ABHD12: variants seen among roughly 807,000 people sequenced by gnomAD.
ABHD12 encodes lysophosphatidylserine lipase ABHD12.
ABHD12 carries 43 observed loss-of-function variants against 58.3 expected under a neutral mutation model. The ratio of observed to expected loss-of-function variants is 0.74; its 90% CI spans 0.58 to 0.95. ABHD12 has a LOEUF of 0.95. Ranked by LOEUF, ABHD12 falls within the 40% of genes least tolerant of loss-of-function variation. The probability of loss-of-function intolerance (pLI) is 0.00; values close to 1 mark genes in which losing one functional copy is unlikely to be tolerated. For synonymous variants in ABHD12, 219 were observed against 211.2 expected (o/e 1.04, Z -0.32); for missense variants, 539 against 537.2 (o/e 1.00, Z -0.03).
chr20:25,317,139 C>A (rs2088978193), intron 4 of ABHD12, 61 bp from the exon 5 acceptor site: 2 of 1,284,796 alleles, frequency 1.6e-6, no homozygotes, highest in Non-Finnish European at 2.3e-6. Flanking sequence ...CCCAGGTCAA[C>A]TTGTCCTCCA....
At chr20:25,373,201 A>G (rs1185947890) in intron 1 of ABHD12, among the ~76,000 whole-genome samples, 1 of 152,164 alleles carries the variant, frequency 6.6e-6, no homozygotes, top group Non-Finnish European at 1.5e-5. Context: ...CCTGTTATTG[A>G]GTGACATTAC....
At chr20:25,319,233 C>G (rs1243630909) in intron 4 of ABHD12, among the ~76,000 whole-genome samples, 1 of 152,226 alleles carries the variant, frequency 6.6e-6, no homozygotes, top group Admixed American at 6.5e-5. Flanking sequence ...CACAGAGGCT[C>G]TTCTGAACAG....
chr20:25,353,516 C>T (rs1051439147), intron 1 of ABHD12, among the ~76,000 whole-genome samples: 1 of 152,266 alleles, frequency 6.6e-6, no homozygotes, highest in Non-Finnish European at 1.5e-5. Context: ...GGAGGGCACA[C>T]AGATAAAGGC....
chr20:25,367,660 C>T (rs2089841597), intron 1 of ABHD12, among the ~76,000 whole-genome samples: 1 of 152,252 alleles, frequency 6.6e-6, no homozygotes, highest in South Asian at 2.1e-4. Context: ...TAAGTGGAAT[C>T]ATACAGTACT....
chr20:25,294,813 G>C, exon 13 of ABHD12: 3 of 764,208 alleles, frequency 3.9e-6, no homozygotes, highest in Non-Finnish European at 7.0e-6. Flanking sequence ...TAGAGTTACA[G>C]ACTTTGTAAG....
intron 1 of ABHD12, 106 bp downstream of exon 1, chr20:25,390,407 G>T (rs1384569788): frequency 2.7e-6 from 3 of 1,126,158 alleles, no homozygotes; most frequent in African/African-American, 3.3e-5. Context: ...TCGGGCGGAC[G>T]GCCACTCTGG....
At chr20:25,342,586 G>C (rs190560373) in intron 1 of ABHD12, among the ~76,000 whole-genome samples, 8 of 151,912 alleles carry the variant, frequency 5.3e-5, no homozygotes, top group Admixed American at 3.3e-4. Context: ...TTTTTTACCG[G>C]TAAAGTTTTT....
At chr20:25,308,411 A>G in intron 8 of ABHD12, 46 bp downstream of exon 8, 1 of 1,600,814 alleles carries the variant, frequency 6.2e-7, no homozygotes, top group Non-Finnish European at 8.5e-7. Context: ...ACTGGGGAGC[A>G]CCCTGAATGC....
intron 6 of ABHD12, among the ~76,000 whole-genome samples, chr20:25,311,704 T>C (rs1356435327): frequency 6.6e-6 from 1 of 152,150 alleles, no homozygotes; most frequent in East Asian, 1.9e-4. Flanking sequence ...CATGGTGGAA[T>C]ACACTTTTTG....
At chr20:25,303,664 GA>G in intron 10 of ABHD12, 36 bp from the exon 11 acceptor site, 1 of 1,612,078 alleles carries the variant, frequency 6.2e-7, no homozygotes, top group Non-Finnish European at 8.5e-7. Context: ...CAAGACCAGG[GA>G]AAGGGCAGAG....
At chr20:25,368,389 C>CACA (rs1219273005) in intron 1 of ABHD12, 1 of 1,591,242 alleles carries the variant, frequency 6.3e-7, no homozygotes, top group Non-Finnish European at 8.6e-7. Context: ...TGCCACAGAC[C>CACA]ACATGCTTGC....
chr20:25,314,349 G>A (rs2088920384), intron 6 of ABHD12, among the ~76,000 whole-genome samples: 1 of 152,078 alleles, frequency 6.6e-6, no homozygotes, highest in South Asian at 2.1e-4. Flanking sequence ...CTGACGTCCA[G>A]CTCTGCAGTC....
At chr20:25,343,643 A>G (rs2089483124) in intron 1 of ABHD12, among the ~76,000 whole-genome samples, 1 of 152,188 alleles carries the variant, frequency 6.6e-6, no homozygotes, top group Non-Finnish European at 1.5e-5. Context: ...GTCTCTACTG[A>G]AAATACAGCA....
chr20:25,332,334 T>TA (rs1246498654), intron 2 of ABHD12, among the ~76,000 whole-genome samples: 6 of 151,950 alleles, frequency 3.9e-5, no homozygotes, highest in Non-Finnish European at 8.8e-5. Context: ...CAAAGAGACT[T>TA]AGACTCCCAC....
intron 1 of ABHD12, among the ~76,000 whole-genome samples, chr20:25,379,927 T>G (rs1021772804): frequency 1.3e-4 from 19 of 151,670 alleles, no homozygotes; most frequent in Non-Finnish European, 2.2e-4. Flanking sequence ...TGGGCTCAAG[T>G]GATCCTCCTT....
At position 25,303,249 on chromosome 20, in the gene ABHD12, C is replaced by T. The variant is rs891809899; in HGVS notation, c.1029+301G>A. On this transcript the variant is annotated intron_variant, in intron 11 of 12. Transcript: ENST00000339157. ...GCCTGGGCTCTGATAACATAGGCAG[C>T]CCACTCTGATAACCCCTGTGTGAGG... 8 of 1,248,424 alleles carry T rather than the reference C, an allele frequency of 6.4e-6. No individual in the cohort carries two copies. In the Admixed American group the frequency reaches 2.0e-4, roughly 31 times the overall value. The allele number at this position is 1,248,424 out of a possible 1,614,324, so 77.3% of individuals were successfully genotyped here. A position where few individuals can be genotyped will look rare whatever the true frequency, so the allele number is the denominator to read the frequency against.
intron 1 of ABHD12, among the ~76,000 whole-genome samples, chr20:25,367,795 T>C (rs1360170915): frequency 6.6e-6 from 1 of 152,250 alleles, no homozygotes; most frequent in African/African-American, 2.4e-5. Context: ...CATTCATCCA[T>C]GGGTGGACAT....
At chr20:25,320,075 A>G in intron 4 of ABHD12, 124 bp downstream of exon 4, 1 of 1,379,628 alleles carries the variant, frequency 7.2e-7, no homozygotes, top group Non-Finnish European at 1.0e-6. Flanking sequence ...GCAGTGGGTC[A>G]GTACACCCAA....
At chr20:25,364,379 C>T (rs1012096614) in intron 1 of ABHD12, among the ~76,000 whole-genome samples, 1 of 152,208 alleles carries the variant, frequency 6.6e-6, no homozygotes. Flanking sequence ...CCCACATCCA[C>T]ATCTGGTGAT....
Sources: gnomAD v4.1 joint callset for allele counts (sites outside exome capture counted in the v4.1 genomes callset) on GRCh38, gnomAD v4.1.1 for gene constraint, MANE v1.5 for transcripts, NCBI Gene and HGNC (gene_info 2026-07-23, HGNC 2026-07-21) for gene names.